Variants in C16orf74 observed in about 807,000 individuals in gnomAD.
C16orf74 encodes uncharacterized protein C16orf74.
A neutral mutation model predicts 6.5 loss-of-function variants in C16orf74; 10 were observed. The ratio of observed to expected loss-of-function variants is 1.54; its 90% CI spans 0.95 to 2.61. The LOEUF (loss-of-function observed/expected upper bound fraction) is 2.61, where lower values mean the gene tolerates loss of function less well. Ranked by LOEUF, C16orf74 falls within the 30% of genes most tolerant of loss-of-function variation. The pLI is 0.00. For synonymous variants in C16orf74, 60 were observed against 42.5 expected (o/e 1.41, Z -1.60); for missense variants, 141 against 105.9 (o/e 1.33, Z -1.45).
chr16:85,734,213 T>G (rs998525549), intron 2 of C16orf74, among the ~76,000 whole-genome samples: 7 of 152,160 alleles, frequency 4.6e-5, no homozygotes, highest in African/African-American at 1.7e-4. Flanking sequence ...GTACAATTAA[T>G]TAAGAGCAGC....
chr16:85,713,000 G>C (rs1016606146), intron 2 of C16orf74, among the ~76,000 whole-genome samples: 3 of 152,172 alleles, frequency 2.0e-5, no homozygotes, highest in East Asian at 1.9e-4. Flanking sequence ...CAGTGCCTTC[G>C]TCTCCTGGGG....
intron 2 of C16orf74, among the ~76,000 whole-genome samples, chr16:85,730,182 C>T (rs756410679): frequency 3.0e-4 from 46 of 152,134 alleles, no homozygotes; most frequent in Admixed American, 2.7e-3. Context: ...CAGGGAAGAA[C>T]GTCATACCCA....
At chr16:85,718,664 A>G (rs1472861476) in intron 2 of C16orf74, among the ~76,000 whole-genome samples, 1 of 152,256 alleles carries the variant, frequency 6.6e-6, no homozygotes, top group Non-Finnish European at 1.5e-5. Flanking sequence ...CACTCCAGCC[A>G]ATGCGGTGCG....
chr16:85,744,831 A>AG (rs1451197858), intron 1 of C16orf74, among the ~76,000 whole-genome samples: 2 of 105,684 alleles, frequency 1.9e-5, no homozygotes, highest in Non-Finnish European at 4.4e-5. Flanking sequence ...CTCCATCTCA[A>AG]AAAAAAAAAA....
At chr16:85,733,021 G>T (rs377970) in intron 2 of C16orf74, among the ~76,000 whole-genome samples, 1 of 152,110 alleles carries the variant, frequency 6.6e-6, no homozygotes, top group Admixed American at 6.5e-5. Flanking sequence ...GGATCTGCAG[G>T]GTCTTGGTCT....
chr16:85,710,409 C>T (rs529091049), intron 2 of C16orf74, 102 bp from the exon 3 acceptor site: 10 of 1,189,840 alleles, frequency 8.4e-6, no homozygotes, highest in African/African-American at 1.6e-5. Flanking sequence ...TTCACTATCA[C>T]CTGGGTCCTG....
intron 1 of C16orf74, chr16:85,741,540 A>G (rs1401793855): frequency 5.9e-6 from 1 of 169,786 alleles, no homozygotes; most frequent in Non-Finnish European, 1.5e-5. Context: ...ACATATGGCA[A>G]TTTGATGTGG....
intron 1 of C16orf74, among the ~76,000 whole-genome samples, chr16:85,747,976 A>C (rs1277916536): frequency 6.6e-6 from 1 of 151,874 alleles, no homozygotes; most frequent in Non-Finnish European, 1.5e-5. Context: ...AATCCCAGCT[A>C]CTCAGGAGGT....
At chr16:85,726,995 G>A (rs2054140668) in intron 2 of C16orf74, among the ~76,000 whole-genome samples, 1 of 152,196 alleles carries the variant, frequency 6.6e-6, no homozygotes, top group East Asian at 1.9e-4. Flanking sequence ...GTAGGCAGGT[G>A]CTAGCTTCCA....
At chr16:85,714,405 T>TTTATTTATTTATTTATTTA (rs2054000213) in intron 2 of C16orf74, among the ~76,000 whole-genome samples, 8 of 37,714 alleles carry the variant, frequency 2.1e-4, no homozygotes, top group Non-Finnish European at 7.2e-4. Flanking sequence ...TTATTTATTA[T>TTTATTTATTTATTTATTTA]TTATTTATTT....
At chr16:85,732,665 C>CAAAAAAAAAAA (rs66539936) in intron 2 of C16orf74, among the ~76,000 whole-genome samples, 2 of 44,176 alleles carry the variant, frequency 4.5e-5, no homozygotes, top group African/African-American at 1.4e-4. Context: ...GACTCTGTCT[C>CAAAAAAAAAAA]AAAAAAAAAA....
intron 1 of C16orf74, among the ~76,000 whole-genome samples, chr16:85,748,747 C>A (rs1321148699): frequency 6.6e-6 from 1 of 152,060 alleles, no homozygotes; most frequent in African/African-American, 2.4e-5. Flanking sequence ...TCCTATTAGT[C>A]TGAAGGTCTG....
chr16:85,745,071 C>G (rs396480), intron 1 of C16orf74, among the ~76,000 whole-genome samples: 1 of 144,272 alleles, frequency 6.9e-6, no homozygotes, highest in African/African-American at 2.6e-5. Flanking sequence ...AACCTGGGAG[C>G]TGCAGGTTGT....
chr16:85,744,626 C>A (rs529540743), intron 1 of C16orf74, among the ~76,000 whole-genome samples: 2 of 151,852 alleles, frequency 1.3e-5, no homozygotes, highest in East Asian at 3.9e-4. Context: ...GTCAGGAGAT[C>A]GAGACCATCC....
chr16:85,733,163 T>C (rs775047825), intron 2 of C16orf74, among the ~76,000 whole-genome samples: 1 of 152,164 alleles, frequency 6.6e-6, no homozygotes, highest in African/African-American at 2.4e-5. Flanking sequence ...GTGTCCATCG[T>C]TGGAGAAGTG....
At chr16:85,734,403 A>G (rs1304622386) in intron 2 of C16orf74, among the ~76,000 whole-genome samples, 2 of 151,730 alleles carry the variant, frequency 1.3e-5, no homozygotes, top group African/African-American at 4.8e-5. Context: ...GCTCCCAACC[A>G]CCTCTCCAGG....
At chr16:85,723,659 G>A (rs903549798) in intron 2 of C16orf74, among the ~76,000 whole-genome samples, 7 of 152,240 alleles carry the variant, frequency 4.6e-5, no homozygotes, top group Non-Finnish European at 7.3e-5. Flanking sequence ...CACCTTCTGA[G>A]TGGATGGTAG....
chr16:85,736,941 G>A (rs555859428), intron 1 of C16orf74, among the ~76,000 whole-genome samples: 246 of 152,298 alleles, frequency 1.6e-3, no homozygotes, highest in African/African-American at 5.7e-3. Context: ...CTACTCAGGA[G>A]GCTGAGGCAG....
rs2053953312 is a variant in C16orf74 at position 85,710,103 on chromosome 16, G to C, written c.172+61C>G. On this transcript the variant is annotated intron_variant, in intron 3 of 3. Coordinates refer to ENST00000284245, the MANE Select transcript of C16orf74 (RefSeq NM_206967.3). ...CCGTGGCCAGGAAGGACGCCCCTGA[G>C]AGCTGTCTCCACCGGGCCCCCACAG... The C allele has an allele frequency of 6.7e-6, 9 of 1,344,582 alleles. No homozygotes were observed. The South Asian group carries it at 9.2e-5, about 14-fold the overall frequency. The allele number at this position is 1,344,582 out of a possible 1,614,324, so 83.3% of individuals were successfully genotyped here. A position where few individuals can be genotyped will look rare whatever the true frequency, so the allele number is the denominator to read the frequency against.
Sources: gnomAD v4.1 joint callset for allele counts (sites outside exome capture counted in the v4.1 genomes callset) on GRCh38, gnomAD v4.1.1 for gene constraint, MANE v1.5 for transcripts, NCBI Gene and HGNC (gene_info 2026-07-23, HGNC 2026-07-21) for gene names.